The following MALRD1 variants were observed in gnomAD, a reference collection of about 807,000 sequenced individuals.
MALRD1 encodes MAM and LDL receptor class A domain containing 1, also known as MAM and LDL-receptor class A domain-containing protein 1.
In MALRD1, 247 loss-of-function variants were observed where a neutral mutation model predicts 242.1. The observed-to-expected ratio is 1.02, with a 90% CI of 0.92 to 1.13. The LOEUF (loss-of-function observed/expected upper bound fraction) is 1.13. Among genes scored for constraint, MALRD1 ranks in the 50% most tolerant of loss-of-function variants. The probability of loss-of-function intolerance (pLI) is 0.00; values close to 1 mark genes in which losing one functional copy is unlikely to be tolerated. For missense variants in MALRD1, 2,989 were observed against 2,533.1 expected, an observed-to-expected ratio of 1.18 and a Z score of -3.86; for synonymous variants, 995 against 866.6, an observed-to-expected ratio of 1.15 and a Z score of -2.60.
intron 31 of MALRD1, among the ~76,000 whole-genome samples, chr10:19,501,240 G>A (rs1837952868): frequency 6.6e-6 from 1 of 152,044 alleles, no homozygotes; most frequent in African/African-American, 2.4e-5. Context: ...ATGACATTTG[G>A]GTCAGTCTAA....
intron 21 of MALRD1, among the ~76,000 whole-genome samples, chr10:19,286,370 G>A (rs1485252228): frequency 6.7e-5 from 10 of 149,656 alleles, no homozygotes; most frequent in East Asian, 6.0e-4. Context: ...TGCCCATTCA[G>A]TATGATATTG....
intron 21 of MALRD1, among the ~76,000 whole-genome samples, chr10:19,285,063 T>C (rs1205816953): frequency 2.0e-4 from 25 of 125,710 alleles, no homozygotes. Flanking sequence ...TTGAGAAGTG[T>C]CTGTTCATGT....
At chr10:19,069,041 C>A (rs1319418577) in intron 2 of MALRD1, among the ~76,000 whole-genome samples, 1 of 151,870 alleles carries the variant, frequency 6.6e-6, no homozygotes, top group Non-Finnish European at 1.5e-5. Context: ...GGTGAAACTG[C>A]CTTTAAAGAT....
chr10:19,606,959 A>G (rs1838666631), intron 34 of MALRD1, among the ~76,000 whole-genome samples: 1 of 152,166 alleles, frequency 6.6e-6, no homozygotes, highest in African/African-American at 2.4e-5. Context: ...GAGCTTCCTA[A>G]TAGACAAATC....
At chr10:19,593,410 G>A (rs547840246) in intron 33 of MALRD1, among the ~76,000 whole-genome samples, 1 of 152,214 alleles carries the variant, frequency 6.6e-6, no homozygotes, top group Admixed American at 6.5e-5. Flanking sequence ...GAGGGAGAGG[G>A]ACTTTCACAT....
At chr10:19,686,603 T>G (rs1842592514) in intron 36 of MALRD1, among the ~76,000 whole-genome samples, 1 of 152,152 alleles carries the variant, frequency 6.6e-6, no homozygotes, top group South Asian at 2.1e-4. Context: ...CTGTGGCCAA[T>G]TATTATTTTA....
intron 28 of MALRD1, among the ~76,000 whole-genome samples, chr10:19,431,113 A>AGGC: frequency 6.6e-6 from 1 of 152,268 alleles, no homozygotes; most frequent in Non-Finnish European, 1.5e-5. Context: ...TCACGTATGT[A>AGGC]TTAAGCCCAT....
chr10:19,687,032 C>T (rs1263611867), intron 36 of MALRD1, among the ~76,000 whole-genome samples: 4 of 150,018 alleles, frequency 2.7e-5, no homozygotes, highest in African/African-American at 9.8e-5. Flanking sequence ...GGATTTTTTT[C>T]CCTCCTATTA....
intron 29 of MALRD1, among the ~76,000 whole-genome samples, chr10:19,470,566 C>T (rs1328244229): frequency 6.6e-6 from 1 of 151,928 alleles, no homozygotes; most frequent in Non-Finnish European, 1.5e-5. Context: ...CAACAGTGTG[C>T]AATGGTTTCC....
chr10:19,072,584 A>G (rs1376700432), intron 2 of MALRD1, among the ~76,000 whole-genome samples: 1 of 152,090 alleles, frequency 6.6e-6, no homozygotes. Context: ...TGAGCATTTT[A>G]TATCTGACAC....
In MALRD1 at chr10:19,377,477, A is replaced by C. The variant is rs151181888; in HGVS notation, c.4442-10051A>C. Among the ~76,000 whole-genome samples, 355 of 152,202 alleles carry C rather than the reference A, an allele frequency of 2.3e-3. 3 individuals are homozygous for C. Among genetic ancestry groups the C allele is most frequent in the African/African-American group, 8.2e-3 (340 of 41,542 alleles). Reference sequence around the variant, plus strand: ...TCTGCTCCCTATTCAATTGTGTAACATTGAGGAGGATGTTTTATTCTCTGC... The same window carrying C: ...TCTGCTCCCTATTCAATTGTGTAACCTTGAGGAGGATGTTTTATTCTCTGC... On this transcript the variant is annotated intron_variant, in intron 26 of 39. Coordinates refer to ENST00000454679, the MANE Select transcript of MALRD1 (RefSeq NM_001142308.3).
intron 21 of MALRD1, among the ~76,000 whole-genome samples, chr10:19,304,300 T>A (rs2131965857): frequency 6.6e-6 from 1 of 151,656 alleles, no homozygotes; most frequent in South Asian, 2.1e-4. Flanking sequence ...CATAATTATG[T>A]GAGCCGATTC....
intron 18 of MALRD1, among the ~76,000 whole-genome samples, chr10:19,236,334 A>G (rs1588745874): frequency 6.6e-6 from 1 of 152,138 alleles, no homozygotes; most frequent in Admixed American, 6.6e-5. Context: ...CTCTCACTTA[A>G]GCAGGTGGGA....
intron 32 of MALRD1, among the ~76,000 whole-genome samples, chr10:19,564,401 C>G (rs181992766): frequency 1.3e-5 from 2 of 152,084 alleles, no homozygotes; most frequent in East Asian, 3.9e-4. Context: ...ACATTATAAG[C>G]AGTAGCTTTG....
At chr10:19,189,279 T>A (rs1835874017) in intron 14 of MALRD1, among the ~76,000 whole-genome samples, 1 of 152,088 alleles carries the variant, frequency 6.6e-6, no homozygotes, top group Non-Finnish European at 1.5e-5. Context: ...AAAATCTGAA[T>A]GGACCTACAA....
chr10:19,111,637 G>T (rs149038296), intron 5 of MALRD1, among the ~76,000 whole-genome samples: 21 of 152,314 alleles, frequency 1.4e-4, no homozygotes, highest in Admixed American at 1.4e-3. Context: ...GGATTTAGAT[G>T]AACTGCAACC....
At chr10:19,546,225 C>A (rs1835201450) in intron 32 of MALRD1, among the ~76,000 whole-genome samples, 1 of 152,126 alleles carries the variant, frequency 6.6e-6, no homozygotes, top group South Asian at 2.1e-4. Flanking sequence ...GTAAGAAATT[C>A]CCTTCCCCTA....
At chr10:19,612,130 A>G (rs1474987413) in intron 35 of MALRD1, among the ~76,000 whole-genome samples, 3 of 152,004 alleles carry the variant, frequency 2.0e-5, no homozygotes, top group Non-Finnish European at 4.4e-5. Context: ...ATATTTGAGG[A>G]AGACTGAAAT....
intron 36 of MALRD1, among the ~76,000 whole-genome samples, chr10:19,620,760 AATG>A (rs1480411802): frequency 6.6e-6 from 1 of 152,042 alleles, no homozygotes; most frequent in Non-Finnish European, 1.5e-5. Flanking sequence ...TCACAAAATA[AATG>A]ATGAGTGAAT....
Sources: gnomAD v4.1 joint callset for allele counts (sites outside exome capture counted in the v4.1 genomes callset) on GRCh38, gnomAD v4.1.1 for gene constraint, MANE v1.5 for transcripts, NCBI Gene and HGNC (gene_info 2026-07-23, HGNC 2026-07-21) for gene names.